The following CLINT1 variants were observed in gnomAD, a reference collection of about 807,000 sequenced individuals.
CLINT1 encodes clathrin interacting protein localized in the trans-Golgi region.
CLINT1 carries 15 observed loss-of-function variants against 70.4 expected under a neutral mutation model. The observed-to-expected ratio is 0.21, with a 90% CI of 0.14 to 0.33. The LOEUF (loss-of-function observed/expected upper bound fraction) is 0.33, where lower values mean the gene tolerates loss of function less well. Among genes scored for constraint, CLINT1 ranks in the 10% least tolerant of loss-of-function variants. The probability of loss-of-function intolerance (pLI) is 1.00; values close to 1 mark genes in which losing one functional copy is unlikely to be tolerated. For synonymous variants in CLINT1, 227 were observed against 254.7 expected, an observed-to-expected ratio of 0.89 and a Z score of 1.04; for missense variants, 615 against 778.1, an observed-to-expected ratio of 0.79 and a Z score of 2.49.
intron 1 of CLINT1, among the ~76,000 whole-genome samples, chr5:157,846,836 T>C (rs1187002): frequency 0.087 from 13,284 of 152,196 alleles, 656 homozygotes; most frequent in East Asian, 0.18. Context: ...ACTCTGCTTG[T>C]GCTATAGAAA....
At chr5:157,844,842 A>G (rs1355560565) in intron 1 of CLINT1, among the ~76,000 whole-genome samples, 1 of 152,206 alleles carries the variant, frequency 6.6e-6, no homozygotes, top group African/African-American at 2.4e-5. Flanking sequence ...ATGTAAAAAT[A>G]TTTTTTACAA....
rs556973828 is a variant in CLINT1, at chr5:157,839,184, G to A, written c.41+19746C>T. ...GTCAAGGCTATAGTGGGCCATGATC[G>A]TGCCACTGCACTCCAGCCTTGGTGA... On this transcript the variant is annotated intron_variant, in intron 1 of 11. Coordinates refer to ENST00000411809, the MANE Select transcript of CLINT1 (RefSeq NM_014666.4). 1.7e-3 allele frequency among the ~76,000 whole-genome samples: 262 copies of A among 152,260 alleles called. 1 individual carries two copies. Among genetic ancestry groups the A allele is most frequent in the African/African-American group, 5.9e-3 (244 of 41,556 alleles).
At chr5:157,816,644 A>G in intron 3 of CLINT1, 90 bp downstream of exon 3, 1 of 788,670 alleles carries the variant, frequency 1.3e-6, no homozygotes, top group Admixed American at 2.8e-5. Flanking sequence ...AGGATTTAAT[A>G]TACTTCAAAA....
At chr5:157,801,451 G>A (rs1043017378) in intron 8 of CLINT1, among the ~76,000 whole-genome samples, 4 of 151,990 alleles carry the variant, frequency 2.6e-5, no homozygotes, top group Admixed American at 1.3e-4. Flanking sequence ...AGGTTGCAGT[G>A]AGTCAAGACT....
intron 1 of CLINT1, among the ~76,000 whole-genome samples, chr5:157,837,882 T>C (rs1398794560): frequency 6.6e-6 from 1 of 151,938 alleles, no homozygotes; most frequent in Non-Finnish European, 1.5e-5. Context: ...GACCTCGTGA[T>C]CCACCAGCCT....
chr5:157,788,019 C>T (rs11955293), intron 11 of CLINT1, 27 bp from the exon 12 acceptor site: 132,760 of 1,541,068 alleles, frequency 0.086, 7,621 homozygotes, highest in African/African-American at 0.25. Flanking sequence ...GACAGAAGAA[C>T]TTTACCACAA....
intron 5 of CLINT1, among the ~76,000 whole-genome samples, 183 bp downstream of exon 5, chr5:157,812,880 A>C (rs966981075): frequency 5.3e-5 from 8 of 152,220 alleles, no homozygotes; most frequent in Non-Finnish European, 7.3e-5. Context: ...CCGAACCCAC[A>C]AGTTAAAAAT....
At position 157,787,594 on chromosome 5, in the gene CLINT1, C is replaced by A; in HGVS notation, c.*52G>T. ...ATTAGCATTTTCCATCCCAACATCA[C>A]CTATCTGCACAGCTAAAAATTCTTC... On this transcript the variant is annotated 3_prime_UTR_variant, in exon 12 of 12. Transcript: ENST00000411809. The A allele has an allele frequency of 2.8e-6, 4 of 1,429,668 alleles. No homozygotes were observed. Among genetic ancestry groups the A allele is most frequent in the Non-Finnish European group, 3.9e-6 (4 of 1,026,398 alleles). 88.6% of individuals were successfully genotyped at this position (1,429,668 alleles called of 1,614,324 possible). A position where few individuals can be genotyped will look rare whatever the true frequency, so the allele number is the denominator to read the frequency against.
At position 157,806,062 on chromosome 5, in the gene CLINT1, T is replaced by C; in HGVS notation, c.746A>G (p.Glu249Gly). ...KARRGRSPKGEFKDEEETVTT... is the reference protein window; with the variant it reads ...KARRGRSPKGGFKDEEETVTT... ...CACAGTCTCCTCTTCATCTTTGAAT[T>C]CACCTTTGGGAGATCTGCCTCTTCT... is the stretch of plus-strand genomic sequence containing the variant. The change falls in exon 7 of 12, where the codon GAA (glutamate) becomes GGA (glycine). Residue 249 changes from glutamate (E) to glycine (G), a missense_variant. Coordinates refer to ENST00000411809, the MANE Select transcript of CLINT1 (RefSeq NM_014666.4). The C allele has an allele frequency of 6.2e-7, 1 of 1,614,008 alleles. No individual in the cohort carries two copies. The highest frequency in any genetic ancestry group is 8.5e-7 in the Non-Finnish European group (1 of 1,179,880).
intron 5 of CLINT1, among the ~76,000 whole-genome samples, chr5:157,812,473 T>C (rs113495019): frequency 6.6e-6 from 1 of 152,176 alleles, no homozygotes; most frequent in Admixed American, 6.5e-5. Context: ...AAAATAAACA[T>C]GAAAGATGAA....
chr5:157,804,785 G>T (rs1427960970), intron 7 of CLINT1, among the ~76,000 whole-genome samples: 1 of 151,926 alleles, frequency 6.6e-6, no homozygotes, highest in Non-Finnish European at 1.5e-5. Context: ...AAATTAGCCG[G>T]GCATGGTGGT....
At chr5:157,839,619 AAAC>A (rs1581533991) in intron 1 of CLINT1, among the ~76,000 whole-genome samples, 9 of 146,704 alleles carry the variant, frequency 6.1e-5, no homozygotes, top group East Asian at 4.1e-4. Flanking sequence ...TAAAAAAAAA[AAAC>A]AAACAAAAAA....
intron 1 of CLINT1, among the ~76,000 whole-genome samples, chr5:157,819,039 T>C (rs1027582784): frequency 4.6e-5 from 7 of 152,198 alleles, no homozygotes; most frequent in African/African-American, 1.7e-4. Flanking sequence ...TATATGGTTT[T>C]TCAGTCATCA....
intron 8 of CLINT1, among the ~76,000 whole-genome samples, chr5:157,803,206 T>C (rs766476766): frequency 6.6e-6 from 1 of 152,236 alleles, no homozygotes; most frequent in African/African-American, 2.4e-5. Flanking sequence ...TTCTCCAAGT[T>C]AATCTTAAAA....
intron 9 of CLINT1, among the ~76,000 whole-genome samples, chr5:157,793,584 A>C (rs943830239): frequency 2.0e-5 from 3 of 152,348 alleles, no homozygotes; most frequent in South Asian, 4.1e-4. Context: ...TTTGCATAGT[A>C]GGCAACTTTA....
At chr5:157,803,560 A>G (rs1302537329) in intron 8 of CLINT1, 90 bp downstream of exon 8, 2 of 864,844 alleles carry the variant, frequency 2.3e-6, no homozygotes, top group South Asian at 3.8e-5. Context: ...CCCAATGCAA[A>G]TAAGTAATCT....
At chr5:157,791,529 G>T (rs547689479) in intron 10 of CLINT1, 174 bp downstream of exon 10, 1 of 626,086 alleles carries the variant, frequency 1.6e-6, no homozygotes, top group South Asian at 2.0e-5. Flanking sequence ...TATGCTAGGG[G>T]AGAGTATGAG....
chr5:157,812,983 C>T, intron 5 of CLINT1, 80 bp downstream of exon 5: 1 of 1,406,548 alleles, frequency 7.1e-7, no homozygotes, highest in Non-Finnish European at 9.7e-7. Flanking sequence ...GCATTTTGGT[C>T]TTTGGTATTT....
intron 1 of CLINT1, among the ~76,000 whole-genome samples, chr5:157,828,507 G>A (rs1324014881): frequency 2.0e-5 from 3 of 152,072 alleles, no homozygotes; most frequent in Admixed American, 2.0e-4. Context: ...ATGTACATGT[G>A]AGCAAAGCCC....
Sources: allele counts gnomAD v4.1 joint callset (sites outside exome capture counted in the v4.1 genomes callset), GRCh38; gene constraint gnomAD v4.1.1; transcripts MANE v1.5; gene names NCBI Gene and HGNC (gene_info 2026-07-23, HGNC 2026-07-21).